Variants in TTC39B observed in about 807,000 individuals in gnomAD.
TTC39B encodes the protein tetratricopeptide repeat domain 39B, also known as tetratricopeptide repeat protein 39B.
In TTC39B, 92 loss-of-function variants were observed where a neutral mutation model predicts 96.6. The observed-to-expected ratio is 0.95, with a 90% CI of 0.80 to 1.13. TTC39B has a LOEUF of 1.13. Among genes scored for constraint, TTC39B ranks in the 50% most tolerant of loss-of-function variants. The probability of loss-of-function intolerance (pLI) is 0.00; values close to 1 mark genes in which losing one functional copy is unlikely to be tolerated. For missense variants in TTC39B, 955 were observed against 809.3 expected, an observed-to-expected ratio of 1.18 and a Z score of -2.18; for synonymous variants, 367 against 299.4, an observed-to-expected ratio of 1.23 and a Z score of -2.33.
intron 2 of TTC39B, among the ~76,000 whole-genome samples, chr9:15,247,886 C>A (rs926544834): frequency 6.6e-6 from 1 of 151,996 alleles, no homozygotes; most frequent in Non-Finnish European, 1.5e-5. Context: ...CCCAACCAAC[C>A]TATGACTAAG....
chr9:15,179,110 G>A (rs1818112522), intron 17 of TTC39B, among the ~76,000 whole-genome samples: 1 of 152,142 alleles, frequency 6.6e-6, no homozygotes, highest in South Asian at 2.1e-4. Flanking sequence ...CAAGACAAAT[G>A]TGTGTTAAAC....
intron 1 of TTC39B, among the ~76,000 whole-genome samples, chr9:15,282,361 G>A (rs1587003828): frequency 6.6e-6 from 1 of 152,206 alleles, no homozygotes; most frequent in Non-Finnish European, 1.5e-5. Flanking sequence ...ACTGCAGAGG[G>A]ATAGATACCA....
At chr9:15,212,167 AT>A (rs1820239076) in intron 4 of TTC39B, among the ~76,000 whole-genome samples, 1 of 152,226 alleles carries the variant, frequency 6.6e-6, no homozygotes, top group Non-Finnish European at 1.5e-5. Flanking sequence ...ATATTAATGC[AT>A]AACAGCCTGC....
At chr9:15,166,850 T>C (rs1017326273) in exon 20 of TTC39B, 2 of 150,776 alleles carry the variant, frequency 1.3e-5, no homozygotes, top group South Asian at 2.1e-4. Context: ...TATAGATACA[T>C]GTATCTTATG....
chr9:15,231,132 C>G (rs145052663), intron 2 of TTC39B, among the ~76,000 whole-genome samples: 1 of 152,206 alleles, frequency 6.6e-6, no homozygotes, highest in African/African-American at 2.4e-5. Flanking sequence ...TTTTGAAGAA[C>G]TACTAGACTG....
intron 2 of TTC39B, among the ~76,000 whole-genome samples, chr9:15,248,644 C>T (rs1205017302): frequency 9.3e-5 from 13 of 139,390 alleles, no homozygotes; most frequent in Admixed American, 7.1e-5. Context: ...AATGAATGAA[C>T]GAATATAAGA....
chr9:15,233,554 C>T (rs1465050907), intron 2 of TTC39B, among the ~76,000 whole-genome samples: 1 of 151,048 alleles, frequency 6.6e-6, no homozygotes, highest in East Asian at 1.9e-4. Context: ...GACGGGGTTT[C>T]GCTGTGTTGG....
At chr9:15,166,982 TTATA>T (rs1174714919) in exon 20 of TTC39B, 233 of 20,192 alleles carry the variant, frequency 0.012, 6 homozygotes, top group Non-Finnish European at 0.013. Context: ...AACCTTTATT[TTATA>T]TATATATATA....
At chr9:15,215,333 G>C (rs1820450746) in intron 3 of TTC39B, among the ~76,000 whole-genome samples, 2 of 152,048 alleles carry the variant, frequency 1.3e-5, no homozygotes, top group Non-Finnish European at 2.9e-5. Context: ...CAAGGCAGGT[G>C]AATCACTTGA....
At chr9:15,262,255 A>T (rs1822973466) in intron 2 of TTC39B, among the ~76,000 whole-genome samples, 1 of 152,008 alleles carries the variant, frequency 6.6e-6, no homozygotes, top group African/African-American at 2.4e-5. Context: ...TGCGCCACAA[A>T]GCCCAGCTAA....
intron 6 of TTC39B, 57 bp downstream of exon 6, chr9:15,210,031 G>T (rs1435330786): frequency 3.0e-5 from 37 of 1,234,862 alleles, no homozygotes; most frequent in Non-Finnish European, 4.1e-5. Flanking sequence ...AATTTTATGA[G>T]ATGATCATTT....
intron 7 of TTC39B, among the ~76,000 whole-genome samples, chr9:15,203,062 A>C (rs1424220291): frequency 1.3e-5 from 2 of 152,224 alleles, no homozygotes; most frequent in African/African-American, 4.8e-5. Context: ...TAAAATTTGA[A>C]GTATACATGC....
chr9:15,299,517 C>A (rs911404480), intron 1 of TTC39B, among the ~76,000 whole-genome samples: 1 of 152,064 alleles, frequency 6.6e-6, no homozygotes, highest in Non-Finnish European at 1.5e-5. Flanking sequence ...CAGCACAGAT[C>A]CACGAAGCAC....
exon 20 of TTC39B, chr9:15,169,034 A>C (rs967048845): frequency 1.3e-5 from 2 of 152,180 alleles, no homozygotes; most frequent in Non-Finnish European, 2.9e-5. Flanking sequence ...CAACTAGTCT[A>C]AGCTTGCAGG....
chr9:15,295,937 C>T (rs1763709153), intron 1 of TTC39B, among the ~76,000 whole-genome samples: 1 of 152,186 alleles, frequency 6.6e-6, no homozygotes, highest in Admixed American at 6.5e-5. Context: ...TCAGGCCTCA[C>T]TTCCCCCTCT....
intron 1 of TTC39B, among the ~76,000 whole-genome samples, chr9:15,284,437 C>G (rs1191193646): frequency 6.6e-6 from 1 of 152,174 alleles, no homozygotes; most frequent in Admixed American, 6.5e-5. Context: ...TTATGATACA[C>G]ACTGTGCTGC....
At chr9:15,239,137 G>A (rs1821920860) in intron 2 of TTC39B, among the ~76,000 whole-genome samples, 1 of 151,500 alleles carries the variant, frequency 6.6e-6, no homozygotes, top group South Asian at 2.1e-4. Context: ...AATAATACAA[G>A]AGGCCAACAA....
Position 15,214,261 on chromosome 9 carries a change from G to A in TTC39B, c.372-12C>T, listed in dbSNP as rs748870427. The A allele has an allele frequency of 6.2e-7, 1 of 1,600,916 alleles. No individual in the cohort carries two copies. Among genetic ancestry groups the A allele is most frequent in the African/African-American group, 1.3e-5 (1 of 74,354 alleles). Reference sequence around the variant, plus strand: ...TGGTTGATGATGAACTAAAGATCAAGAAAAAAGCACAGAGAATTTCTATAG... The same window carrying A: ...TGGTTGATGATGAACTAAAGATCAAAAAAAAAGCACAGAGAATTTCTATAG... On this transcript the variant is annotated splice_polypyrimidine_tract_variant and intron_variant, in intron 3 of 19. Coordinates refer to ENST00000512701, the Ensembl canonical transcript of TTC39B.
intron 2 of TTC39B, among the ~76,000 whole-genome samples, chr9:15,266,864 G>A (rs1039133349): frequency 6.6e-6 from 1 of 152,150 alleles, no homozygotes; most frequent in Non-Finnish European, 1.5e-5. Context: ...CAGATCACGA[G>A]GTCAGGAGAT....
Sources: gnomAD v4.1 joint callset for allele counts (sites outside exome capture counted in the v4.1 genomes callset) on GRCh38, gnomAD v4.1.1 for gene constraint, MANE v1.5 for transcripts, NCBI Gene and HGNC (gene_info 2026-07-23, HGNC 2026-07-21) for gene names.